The following P3H2 variants were observed in gnomAD, a reference collection of about 807,000 sequenced individuals.
P3H2 encodes leprecan-like 1.
In P3H2, 80 loss-of-function variants were observed where a neutral mutation model predicts 87.0. The ratio of observed to expected loss-of-function variants is 0.92; its 90% CI spans 0.77 to 1.11. P3H2 has a LOEUF of 1.11. P3H2 is among the 50% of genes least tolerant of loss of function. The pLI, the probability that P3H2 is intolerant of heterozygous loss-of-function variation, is 0.00. For synonymous variants in P3H2, 367 were observed against 359.3 expected (o/e 1.02, Z -0.24); for missense variants, 1,001 against 923.9 (o/e 1.08, Z -1.08).
chr3:190,086,996 C>T (rs189571689), intron 1 of P3H2, among the ~76,000 whole-genome samples: 154 of 152,296 alleles, frequency 1.0e-3, no homozygotes, highest in Non-Finnish European at 1.8e-3. Context: ...AACTTATTTA[C>T]ACATAAGAGC....
At chr3:190,064,436 T>C (rs1397205200) in intron 1 of P3H2, among the ~76,000 whole-genome samples, 1 of 152,108 alleles carries the variant, frequency 6.6e-6, no homozygotes, top group Admixed American at 6.6e-5. Flanking sequence ...AGCTGCTCAG[T>C]AAATCTCATC....
intron 13 of P3H2, among the ~76,000 whole-genome samples, chr3:189,967,037 A>G (rs1439409706): frequency 6.6e-6 from 1 of 152,174 alleles, no homozygotes; most frequent in Admixed American, 6.5e-5. Context: ...CCACAGTCAA[A>G]GGGAAACTAA....
intron 1 of P3H2, among the ~76,000 whole-genome samples, chr3:190,100,254 C>A (rs1361974297): frequency 3.7e-5 from 5 of 135,384 alleles, no homozygotes; most frequent in African/African-American, 2.8e-5. Context: ...CCCGCCGCCC[C>A]CCCCCCCAAA....
intron 1 of P3H2, among the ~76,000 whole-genome samples, chr3:190,014,924 C>T (rs979063696): frequency 6.6e-6 from 1 of 152,150 alleles, no homozygotes; most frequent in Non-Finnish European, 1.5e-5. Context: ...TGCTGGCAAC[C>T]TGTCGAGTGA....
chr3:190,116,203 T>C (rs182912746), intron 1 of P3H2, among the ~76,000 whole-genome samples: 172 of 152,308 alleles, frequency 1.1e-3, no homozygotes, highest in African/African-American at 4.0e-3. Context: ...TAGGTGCATT[T>C]ATATGTTAGG....
intron 1 of P3H2, among the ~76,000 whole-genome samples, chr3:190,010,639 C>T (rs540022017): frequency 3.3e-4 from 51 of 152,262 alleles, no homozygotes; most frequent in South Asian, 3.3e-3. Context: ...AAACCTGACT[C>T]CTTGACTTTG....
chr3:190,062,463 T>C (rs1726360119), intron 1 of P3H2, among the ~76,000 whole-genome samples: 1 of 152,182 alleles, frequency 6.6e-6, no homozygotes, highest in Non-Finnish European at 1.5e-5. Context: ...TTTTTCACTC[T>C]TAAGAACTAG....
chr3:190,034,504 C>T lies in P3H2; in HGVS notation c.481-39062G>A, dbSNP rs117018123. Among the ~76,000 whole-genome samples, 583 of 152,220 alleles carry T rather than the reference C, an allele frequency of 3.8e-3. 7 individuals carry two copies. Among genetic ancestry groups the T allele is most frequent in the East Asian group, 0.029 (153 of 5,190 alleles). On this transcript the variant is annotated intron_variant, in intron 1 of 14. Transcript: ENST00000319332. ...TACTCTCCATGTGATTTTGGTCACC[C>T]ATAAAACAGAAAGAAGCCAGAAACA...
At chr3:189,977,607 A>C (rs1723392044) in intron 8 of P3H2, among the ~76,000 whole-genome samples, 1 of 152,144 alleles carries the variant, frequency 6.6e-6, no homozygotes, top group South Asian at 2.1e-4. Context: ...AGTAGTCTTT[A>C]AAAAATTTAT....
At position 189,994,299 on chromosome 3, in the gene P3H2, CGGG is replaced by C. The variant is rs199846299; in HGVS notation, c.634-19_634-17del. 10,729 of 1,312,558 alleles carry C rather than the reference CGGG, an allele frequency of 8.2e-3. 368 individuals carry two copies. Among genetic ancestry groups the C allele is most frequent in the African/African-American group, 0.068 (4,252 of 62,566 alleles). The allele number at this position is 1,312,558 out of a possible 1,614,324, so 81.3% of individuals were successfully genotyped here. On this transcript the variant is annotated splice_polypyrimidine_tract_variant and intron_variant, in intron 2 of 14. Transcript: ENST00000319332. Reference sequence around the variant, plus strand: ...TGTAACTCTCCTGTAATGAAACAGACGGGAAAAAACAAACAAACAAACAAACAA... The same window carrying C: ...TGTAACTCTCCTGTAATGAAACAGACAAAAAACAAACAAACAAACAAACAA...
At chr3:190,084,419 G>T (rs1445388246) in intron 1 of P3H2, among the ~76,000 whole-genome samples, 1 of 152,160 alleles carries the variant, frequency 6.6e-6, no homozygotes, top group Non-Finnish European at 1.5e-5. Context: ...TCTTCAGAAA[G>T]TTGTATTAAT....
At chr3:190,106,510 A>G (rs1026083413) in intron 1 of P3H2, among the ~76,000 whole-genome samples, 1 of 151,454 alleles carries the variant, frequency 6.6e-6, no homozygotes, top group Non-Finnish European at 1.5e-5. Flanking sequence ...TTAGAAATTC[A>G]CCATCTGCCT....
chr3:190,010,274 C>T (rs1214419403), intron 1 of P3H2, among the ~76,000 whole-genome samples: 1 of 151,870 alleles, frequency 6.6e-6, no homozygotes, highest in Non-Finnish European at 1.5e-5. Flanking sequence ...TAATAGTTGC[C>T]ACTATTATTA....
In P3H2 at chr3:189,995,556, G is replaced by GTTT. The variant is rs1553874169; in HGVS notation, c.481-117_481-115dup. The GTTT allele has an allele frequency of 1.9e-3, 1,626 of 837,870 alleles. 1 individual carries two copies. The highest frequency in any genetic ancestry group is 6.6e-3 in the African/African-American group (372 of 56,140). 51.9% of individuals were successfully genotyped at this position (837,870 alleles called of 1,614,324 possible). ...TTTAAGAATGAAACTAGGAGCCTTG[G>GTTT]TTTTTTTTTTTTTTATCAGACAGGC... On this transcript the variant is annotated intron_variant, in intron 1 of 14. Transcript: ENST00000319332.
rs376315684 is a variant in P3H2 at position 190,074,340 on chromosome 3, T to C, written c.480+45912A>G. Among the ~76,000 whole-genome samples the C allele has an allele frequency of 7.9e-5, 12 of 152,014 alleles. No homozygotes were observed. The East Asian group carries it at 1.4e-3, about 17-fold the overall frequency. On this transcript the variant is annotated intron_variant, in intron 1 of 14. Coordinates refer to ENST00000319332, the MANE Select transcript of P3H2 (RefSeq NM_018192.4). ...GCCTGGCCAACATGACGAAACCTGG[T>C]CTCTATTAAAAATACAAAAAATTAG...
rs146046249 is a variant in P3H2 at position 189,986,015 on chromosome 3, A to C, written c.1188+773T>G. Among the ~76,000 whole-genome samples, 221 of 152,326 alleles carry C rather than the reference A, an allele frequency of 1.5e-3. 1 individual carries two copies. The highest frequency in any genetic ancestry group is 5.0e-3 in the African/African-American group (206 of 41,578). ...TCTGCAAAAGCTATGTCTTCATATA[A>C]ACAATGATTAGAAGACAACATGGAA... On this transcript the variant is annotated intron_variant, in intron 6 of 14. Transcript: ENST00000319332.
At chr3:190,081,725 C>T (rs1447742656) in intron 1 of P3H2, among the ~76,000 whole-genome samples, 1 of 152,078 alleles carries the variant, frequency 6.6e-6, no homozygotes, top group African/African-American at 2.4e-5. Flanking sequence ...TTCCTCAAAA[C>T]CCTTGAATGA....
At chr3:190,070,934 T>C (rs1260012046) in intron 1 of P3H2, among the ~76,000 whole-genome samples, 2 of 152,248 alleles carry the variant, frequency 1.3e-5, no homozygotes, top group Admixed American at 1.3e-4. Flanking sequence ...ACACAGTCTT[T>C]TTAAATGACT....
chr3:190,067,498 T>C (rs1726549642), intron 1 of P3H2, among the ~76,000 whole-genome samples: 2 of 152,116 alleles, frequency 1.3e-5, no homozygotes, highest in South Asian at 4.1e-4. Context: ...TATGACAAAT[T>C]CTCAGATAAA....
Sources: gnomAD v4.1 joint callset for allele counts (sites outside exome capture counted in the v4.1 genomes callset) on GRCh38, gnomAD v4.1.1 for gene constraint, MANE v1.5 for transcripts, NCBI Gene and HGNC (gene_info 2026-07-23, HGNC 2026-07-21) for gene names.